RYR2: variants seen among roughly 807,000 people sequenced by gnomAD.
RYR2 encodes cardiac muscle ryanodine receptor-calcium release channel.
In RYR2, 227 loss-of-function variants were observed where a neutral mutation model predicts 601.1. The observed-to-expected ratio is 0.38, with a 90% CI of 0.34 to 0.42. The LOEUF is 0.42. Among genes scored for constraint, RYR2 ranks in the 10% least tolerant of loss-of-function variants. The pLI, the probability that RYR2 is intolerant of heterozygous loss-of-function variation, is 1.00. For missense variants in RYR2, 4,646 were observed against 6,156.5 expected, an observed-to-expected ratio of 0.75 and a Z score of 8.21; for synonymous variants, 2,223 against 2,175.1, an observed-to-expected ratio of 1.02 and a Z score of -0.61.
intron 84 of RYR2, among the ~76,000 whole-genome samples, chr1:237,764,135 G>A (rs574009326): frequency 2.6e-5 from 4 of 152,280 alleles, no homozygotes; most frequent in East Asian, 1.9e-4. Context: ...CATGGAAAAC[G>A]TATAAGCTCA....
intron 17 of RYR2, among the ~76,000 whole-genome samples, chr1:237,481,211 T>A (rs1256018175): frequency 6.6e-6 from 1 of 151,700 alleles, no homozygotes; most frequent in African/African-American, 2.4e-5. Context: ...TGTATTTATT[T>A]CATGAGTTAA....
At chr1:237,831,872 CAGAT>C (rs1663833144) in intron 104 of RYR2, among the ~76,000 whole-genome samples, 2 of 144,096 alleles carry the variant, frequency 1.4e-5, no homozygotes, top group East Asian at 4.2e-4. Context: ...TTTGTTTAAT[CAGAT>C]AGATGATTTC....
intron 34 of RYR2, among the ~76,000 whole-genome samples, chr1:237,596,008 G>C (rs1241634213): frequency 6.6e-6 from 1 of 151,982 alleles, no homozygotes; most frequent in Non-Finnish European, 1.5e-5. Flanking sequence ...CAAAACCAGT[G>C]TATCCTACCC....
intron 100 of RYR2, among the ~76,000 whole-genome samples, chr1:237,813,533 G>T (rs1365385017): frequency 6.6e-6 from 1 of 152,152 alleles, no homozygotes; most frequent in Non-Finnish European, 1.5e-5. Context: ...CCCCATTCAA[G>T]TTGTAATCAT....
At chr1:237,709,414 GTTTT>G in intron 69 of RYR2, 62 bp from the exon 70 acceptor site, 5 of 724,610 alleles carry the variant, frequency 6.9e-6, no homozygotes, top group East Asian at 3.3e-5. Flanking sequence ...TGGGGGGATG[GTTTT>G]TTTTTTTTAA....
chr1:237,149,153 G>A (rs1427138529), intron 1 of RYR2, among the ~76,000 whole-genome samples: 2 of 152,092 alleles, frequency 1.3e-5, no homozygotes, highest in African/African-American at 4.8e-5. Flanking sequence ...CCATGATAGA[G>A]GAAATATTTT....
intron 1 of RYR2, among the ~76,000 whole-genome samples, chr1:237,172,941 G>A (rs1677582042): frequency 6.6e-6 from 1 of 152,112 alleles, no homozygotes; most frequent in East Asian, 1.9e-4. Context: ...TTGGGATATC[G>A]AATGACAGAA....
At chr1:237,241,309 C>T (rs12137834) in intron 1 of RYR2, among the ~76,000 whole-genome samples, 43,270 of 152,084 alleles carry the variant, frequency 0.28, 7,706 homozygotes, top group Admixed American at 0.39. Context: ...TTAGAATTAA[C>T]GAAATGTAAT....
chr1:237,709,096 C>T lies in RYR2; in HGVS notation c.10140C>T (p.Asn3380=). 1 of 1,560,416 alleles carries T rather than the reference C, an allele frequency of 6.4e-7. No homozygotes were observed. The highest frequency in any genetic ancestry group is 8.7e-7 in the Non-Finnish European group (1 of 1,155,298). ...YPLLIRFVDY[N]RAKWLKEPNP... is the part of the protein sequence containing the mutation. ...TCTTGATTAGATTTGTGGACTATAA[C>T]AGGTATGATCAAAAGTAATTTAGTA... is the stretch of plus-strand genomic sequence containing the variant. The change falls in exon 69 of 105, where the codon AAC becomes AAT. Residue 3380 remains asparagine, a splice_region_variant and synonymous_variant. Transcript: ENST00000366574.
intron 24 of RYR2, among the ~76,000 whole-genome samples, chr1:237,515,983 T>C (rs569813455): frequency 6.7e-6 from 1 of 150,314 alleles, no homozygotes; most frequent in African/African-American, 2.5e-5. Context: ...CTTCTTCTCC[T>C]CCCTCTTCTT....
At chr1:237,519,892 T>C (rs1666925490) in intron 24 of RYR2, among the ~76,000 whole-genome samples, 2 of 152,034 alleles carry the variant, frequency 1.3e-5, no homozygotes, top group Non-Finnish European at 2.9e-5. Context: ...TTAACAATAC[T>C]GATTCTTCAG....
At chr1:237,128,008 C>T (rs1224742947) in intron 1 of RYR2, among the ~76,000 whole-genome samples, 8 of 152,314 alleles carry the variant, frequency 5.3e-5, no homozygotes, top group Middle Eastern at 3.4e-3. Flanking sequence ...GCTGCAATCT[C>T]GGCACTTTGG....
At chr1:237,828,242 G>A (rs552733236) in intron 101 of RYR2, 139 bp from the exon 102 acceptor site, 207 of 561,312 alleles carry the variant, frequency 3.7e-4, no homozygotes, top group Non-Finnish European at 5.7e-4. Context: ...TAGGAGTATC[G>A]GATATGTAGT....
chr1:237,137,151 A>G (rs1672883406), intron 1 of RYR2, among the ~76,000 whole-genome samples: 1 of 152,148 alleles, frequency 6.6e-6, no homozygotes, highest in Admixed American at 6.5e-5. Flanking sequence ...TCATCCAGTA[A>G]CATGATTTGT....
chr1:237,810,348 G>A (rs1232616020), intron 100 of RYR2, among the ~76,000 whole-genome samples: 2 of 152,148 alleles, frequency 1.3e-5, no homozygotes, highest in Admixed American at 1.3e-4. Context: ...AATTAATTCA[G>A]TGGGCTTGCA....
intron 1 of RYR2, among the ~76,000 whole-genome samples, chr1:237,105,527 T>C (rs1013421147): frequency 6.6e-6 from 1 of 151,958 alleles, no homozygotes; most frequent in Non-Finnish European, 1.5e-5. Flanking sequence ...TGAAAACCTG[T>C]CTCTACTAAA....
Position 237,511,725 on chromosome 1 carries a change from T to C in RYR2, c.2756T>C (p.Val919Ala). 1 of 1,574,366 alleles carries C rather than the reference T, an allele frequency of 6.4e-7. No individual in the cohort carries two copies. Among genetic ancestry groups the C allele is most frequent in the Non-Finnish European group, 8.6e-7 (1 of 1,158,306 alleles). The change falls in exon 24 of 105, where the codon GTG (valine) becomes GCG (alanine). Residue 919 changes from valine (V) to alanine (A), a missense_variant. Physicochemically the swap from Val to Ala is moderately conservative, Grantham distance 64. This residue lies in a region of RYR2 where 1,807 missense variants were observed against 2,088.1 expected (regional missense o/e 0.87). Coordinates refer to ENST00000366574, the MANE Select transcript of RYR2 (RefSeq NM_001035.3). ...AACAAGAGACAACACCCATGCCTGG[T>C]GGAGTTCTCCAAGCTGCCTGAACAG... ...DDNKRQHPCLVEFSKLPEQER... is the reference protein window; with the variant it reads ...DDNKRQHPCLAEFSKLPEQER...
rs527905712 is a variant in RYR2, at chr1:237,209,789, G to C, written c.49-60708G>C. Among the ~76,000 whole-genome samples, 9 of 152,234 alleles carry C rather than the reference G, an allele frequency of 5.9e-5. No individual in the cohort carries two copies. The East Asian group carries it at 1.7e-3, about 29-fold the overall frequency. ...GAGGATCACTTGAGCCTGGGTATTT[G>C]AGGCTGTAGTGACCTATGATTGTGC... On this transcript the variant is annotated intron_variant, in intron 1 of 104. Transcript: ENST00000366574.
intron 63 of RYR2, among the ~76,000 whole-genome samples, chr1:237,693,746 C>T (rs1052937270): frequency 2.0e-5 from 3 of 151,982 alleles, no homozygotes; most frequent in African/African-American, 4.8e-5. Context: ...CTTAATGTTA[C>T]GTTTGGAAGA....
Sources: gnomAD v4.1 joint callset for allele counts (sites outside exome capture counted in the v4.1 genomes callset) on GRCh38, gnomAD v4.1.1 for gene constraint, gnomAD v4.1.1 regional missense constraint, MANE v1.5 for transcripts, NCBI Gene and HGNC (gene_info 2026-07-23, HGNC 2026-07-21) for gene names.